CREB3L1: variants seen among roughly 807,000 people sequenced by gnomAD.
CREB3L1 encodes the protein cAMP responsive element binding protein 3 like 1.
CREB3L1 carries 33 observed loss-of-function variants against 54.5 expected under a neutral mutation model. That is an observed-to-expected ratio of 0.61 (90% CI 0.46 to 0.81). CREB3L1 has a LOEUF of 0.81. CREB3L1 is among the 30% of genes least tolerant of loss of function. The pLI is 0.00. For missense variants in CREB3L1, 656 were observed against 673.3 expected (o/e 0.97, Z 0.29); for synonymous variants, 284 against 286.4 (o/e 0.99, Z 0.08).
In CREB3L1 at chr11:46,317,381, T is replaced by G; in HGVS notation, c.1152T>G (p.Val384=). 1 of 1,613,924 alleles carries G rather than the reference T, an allele frequency of 6.2e-7. No homozygotes were observed. The highest frequency in any genetic ancestry group is 8.5e-7 in the Non-Finnish European group (1 of 1,179,864). Residue 384 remains valine, a synonymous_variant, in exon 10 of 12, where the codon GTT becomes GTG. Coordinates refer to ENST00000621158, the MANE Select transcript of CREB3L1 (RefSeq NM_052854.4). The part of the protein sequence containing the change: ...TCLMVAALCF[V]LVLGSLVPCL... ...ACCAGGTGGCAGCCTTGTGCTTTGT[T>G]CTGGTGCTGGGCTCCCTCGTGCCCT... is the stretch of plus-strand genomic sequence containing the variant.
Position 46,310,592 on chromosome 11 carries a change from A to G in CREB3L1, c.596-440A>G, listed in dbSNP as rs1269891870. Among the ~76,000 whole-genome samples, 3 of 151,524 alleles carry G rather than the reference A, an allele frequency of 2.0e-5. No individual in the cohort carries two copies. The East Asian group carries it at 5.9e-4, about 30-fold the overall frequency. Reference sequence around the variant, plus strand: ...CTTCGTCCAGTCCTCTTCTTGCCCAATCTACTGCTGCCATCGCTCCTGCTT... The same window carrying G: ...CTTCGTCCAGTCCTCTTCTTGCCCAGTCTACTGCTGCCATCGCTCCTGCTT... On this transcript the variant is annotated intron_variant, in intron 4 of 11. Coordinates refer to ENST00000621158, the MANE Select transcript of CREB3L1 (RefSeq NM_052854.4).
chr11:46,296,826 G>A (rs1267578336), intron 1 of CREB3L1, among the ~76,000 whole-genome samples: 4 of 152,180 alleles, frequency 2.6e-5, no homozygotes, highest in Admixed American at 2.6e-4. Context: ...GGTTTTGGCT[G>A]CTGTTTCTAG....
Position 46,299,922 on chromosome 11 carries a change from C to G in CREB3L1, c.103-13C>G. The G allele has an allele frequency of 6.2e-7, 1 of 1,605,946 alleles. No individual in the cohort carries two copies. The highest frequency in any genetic ancestry group is 8.5e-7 in the Non-Finnish European group (1 of 1,172,886). On this transcript the variant is annotated splice_polypyrimidine_tract_variant and intron_variant, in intron 1 of 11. Transcript: ENST00000621158. ...GCTGAATTCCCTCTTCCCCTCACCT[C>G]TTCCTTCCCTAGCACTTTCCTGAGC... is the stretch of plus-strand genomic sequence containing the variant.
chr11:46,311,909 G>T (rs530032085), intron 5 of CREB3L1, among the ~76,000 whole-genome samples: 1 of 152,326 alleles, frequency 6.6e-6, no homozygotes, highest in East Asian at 1.9e-4. Flanking sequence ...CCTCCAAGGA[G>T]CGCTGTGTGA....
intron 2 of CREB3L1, 128 bp downstream of exon 2, chr11:46,300,291 C>T: frequency 1.5e-6 from 1 of 688,888 alleles, no homozygotes; most frequent in South Asian, 1.8e-5. Context: ...CCACCACAAA[C>T]CCCTTAGGAG....
chr11:46,296,456 C>T lies in CREB3L1; in HGVS notation c.103-3479C>T, dbSNP rs577562324. Among the ~76,000 whole-genome samples the T allele has an allele frequency of 2.6e-3, 388 of 152,112 alleles. 1 individual carries two copies. The highest frequency in any genetic ancestry group is 9.6e-4 in the Non-Finnish European group (65 of 67,986). On this transcript the variant is annotated intron_variant, in intron 1 of 11. Coordinates refer to ENST00000621158, the MANE Select transcript of CREB3L1 (RefSeq NM_052854.4). Reference sequence around the variant, plus strand: ...TTCCCTCTCTGGACTGGAGTTTTCTCTACTAAGAAATAGGAGGGGGGGAAC... The same window carrying T: ...TTCCCTCTCTGGACTGGAGTTTTCTTTACTAAGAAATAGGAGGGGGGGAAC...
intron 1 of CREB3L1, among the ~76,000 whole-genome samples, chr11:46,296,806 C>T (rs1281645367): frequency 6.6e-6 from 1 of 152,178 alleles, no homozygotes; most frequent in Admixed American, 6.5e-5. Flanking sequence ...CTGGAAGCTC[C>T]ATCCTGCTGG....
intron 8 of CREB3L1, chr11:46,316,012 G>T (rs1219824897): frequency 2.6e-6 from 1 of 388,024 alleles, no homozygotes; most frequent in East Asian, 4.5e-5. Flanking sequence ...TGTGCAGCTG[G>T]GGGCAGGCCT....
At chr11:46,306,936 C>T (rs1015686811) in intron 2 of CREB3L1, among the ~76,000 whole-genome samples, 4 of 150,784 alleles carry the variant, frequency 2.7e-5, no homozygotes, top group African/African-American at 7.3e-5. Flanking sequence ...TGCAGTGGTG[C>T]GATCTCAGCC....
chr11:46,282,196 C>T (rs1447131427), intron 1 of CREB3L1, among the ~76,000 whole-genome samples: 1 of 152,138 alleles, frequency 6.6e-6, no homozygotes, highest in Non-Finnish European at 1.5e-5. Context: ...ACCCCACATT[C>T]TTAGAGAAGA....
chr11:46,294,034 G>A (rs1366671270), intron 1 of CREB3L1, among the ~76,000 whole-genome samples: 1 of 152,146 alleles, frequency 6.6e-6, no homozygotes, highest in Non-Finnish European at 1.5e-5. Context: ...TGAATGTGTC[G>A]ATGAGTGTAC....
At chr11:46,311,222 T>C (rs771995536) in intron 5 of CREB3L1, 33 bp downstream of exon 5, 19 of 1,505,310 alleles carry the variant, frequency 1.3e-5, no homozygotes, top group African/African-American at 4.2e-5. Context: ...ATCCCAGAAA[T>C]GAGGAATTGA....
intron 2 of CREB3L1, among the ~76,000 whole-genome samples, chr11:46,306,858 T>C (rs1489679253): frequency 6.0e-5 from 9 of 150,796 alleles, no homozygotes; most frequent in Non-Finnish European, 1.2e-4. Flanking sequence ...TGCAACCTCC[T>C]CCTCCCAAGC....
rs923415491 is a variant in CREB3L1, at chr11:46,313,027, G to A, written c.1031+108G>A. ...GGAGAGGAGAGAGAACTAAGTTTAG[G>A]ATGACAGGGACCCCAGAAACACACC... On this transcript the variant is annotated intron_variant, in intron 8 of 11. Coordinates refer to ENST00000621158, the MANE Select transcript of CREB3L1 (RefSeq NM_052854.4). 3 of 799,724 alleles carry A rather than the reference G, an allele frequency of 3.8e-6. No individual in the cohort carries two copies. In the African/African-American group the frequency reaches 5.2e-5, roughly 14 times the overall value. The allele number at this position is 799,724 out of a possible 1,614,324, so 49.5% of individuals were successfully genotyped here. A position where few individuals can be genotyped will look rare whatever the true frequency, so the allele number is the denominator to read the frequency against.
chr11:46,305,833 G>T (rs1055624387), intron 2 of CREB3L1, among the ~76,000 whole-genome samples: 16 of 150,460 alleles, frequency 1.1e-4, no homozygotes, highest in Admixed American at 8.7e-4. Flanking sequence ...CGCCTCCCGG[G>T]TTCATGCCAT....
At position 46,314,869 on chromosome 11, in the gene CREB3L1, G is replaced by A. The variant is rs549541892; in HGVS notation, c.1032-1417G>A. On this transcript the variant is annotated intron_variant, in intron 8 of 11. Transcript: ENST00000621158. ...ATTACAGACGTGTACCACCACACCC[G>A]GCTAATTTTTGTATTTTTAGTAGAG... Among the ~76,000 whole-genome samples, 39 of 151,114 alleles carry A rather than the reference G, an allele frequency of 2.6e-4. No individual in the cohort carries two copies. In the South Asian group the frequency reaches 8.0e-3, roughly 31 times the overall value.
intron 7 of CREB3L1, 86 bp from the exon 8 acceptor site, chr11:46,312,765 G>C: frequency 6.4e-7 from 1 of 1,550,652 alleles, no homozygotes; most frequent in Non-Finnish European, 8.8e-7. Flanking sequence ...AGGGGGCACA[G>C]GGAGTGTGAT....
At chr11:46,314,281 T>C (rs1024525873) in intron 8 of CREB3L1, among the ~76,000 whole-genome samples, 3 of 151,494 alleles carry the variant, frequency 2.0e-5, no homozygotes, top group African/African-American at 4.9e-5. Context: ...TCTCATAGGA[T>C]GGATGTGAGG....
rs1938892600 is a variant in CREB3L1, at chr11:46,277,714, G to C, written c.-398G>C. Reference sequence around the variant, plus strand: ...GAGGGAGACGCAGAGACAGAGGAGAGGCCGGCAGCCACCCAGTCTCGGGGG... The same window carrying C: ...GAGGGAGACGCAGAGACAGAGGAGACGCCGGCAGCCACCCAGTCTCGGGGG... On this transcript the variant is annotated 5_prime_UTR_variant, in exon 1 of 12. Coordinates refer to ENST00000621158, the MANE Select transcript of CREB3L1 (RefSeq NM_052854.4). 1 of 212,596 alleles carries C rather than the reference G, an allele frequency of 4.7e-6. No individual in the cohort carries two copies. Among genetic ancestry groups the C allele is most frequent in the East Asian group, 7.3e-5 (1 of 13,766 alleles). The allele number at this position is 212,596 out of a possible 1,614,324, so 13.2% of individuals were successfully genotyped here.
Sources: gnomAD v4.1 joint callset for allele counts (sites outside exome capture counted in the v4.1 genomes callset) on GRCh38, gnomAD v4.1.1 for gene constraint, MANE v1.5 for transcripts, NCBI Gene and HGNC (gene_info 2026-07-23, HGNC 2026-07-21) for gene names.